Variants in MAF observed in about 807,000 individuals in gnomAD.
MAF encodes MAF bZIP transcription factor.
MAF carries 10 observed loss-of-function variants against 22.0 expected under a neutral mutation model. The ratio of observed to expected loss-of-function variants is 0.45; its 90% confidence interval spans 0.28 to 0.77. The LOEUF is 0.77. MAF is among the 30% of genes least tolerant of loss of function. MAF has a pLI of 0.12. For synonymous variants in MAF, 337 were observed against 255.8 expected (o/e 1.32, Z -3.03); for missense variants, 544 against 548.4 (o/e 0.99, Z 0.08).
chr16:79,409,852 T>C, the MAF span, among the ~76,000 whole-genome samples: 2,082 of 152,294 alleles, frequency 0.014, 49 homozygotes, highest in African/African-American at 0.047. Flanking sequence ...CCATAGCCAC[T>C]AGCCAAACGT....
downstream of MAF, among the ~76,000 whole-genome samples, chr16:79,585,124 C>T (rs377532980): frequency 2.2e-4 from 33 of 152,302 alleles, no homozygotes; most frequent in East Asian, 4.8e-3. Flanking sequence ...AAAACTATCA[C>T]ACTAAGTAAT....
the MAF span, among the ~76,000 whole-genome samples, chr16:79,251,468 A>G: frequency 6.6e-6 from 1 of 151,990 alleles, no homozygotes; most frequent in African/African-American, 2.4e-5. Context: ...GGCACCTGCC[A>G]CCACATCTGG....
At chr16:79,373,629 C>T in the MAF span, among the ~76,000 whole-genome samples, 3 of 152,064 alleles carry the variant, frequency 2.0e-5, no homozygotes, top group South Asian at 6.2e-4. Context: ...CCACCTGCCT[C>T]AGCCTCCCAA....
At chr16:79,382,412 C>T in the MAF span, among the ~76,000 whole-genome samples, 1 of 152,238 alleles carries the variant, frequency 6.6e-6, no homozygotes, top group Non-Finnish European at 1.5e-5. Flanking sequence ...CCTATCTGGG[C>T]TGTCCAGTAT....
the MAF span, among the ~76,000 whole-genome samples, chr16:79,221,750 T>C: frequency 6.9e-5 from 9 of 129,930 alleles, no homozygotes; most frequent in Admixed American, 2.3e-4. Context: ...TATACGTGAT[T>C]GTGTGTGTAT....
chr16:79,502,708 A>AATATATATACATAT, the MAF span, among the ~76,000 whole-genome samples: 5 of 34,004 alleles, frequency 1.5e-4, no homozygotes, highest in Non-Finnish European at 2.8e-4. Flanking sequence ...TATAAATATA[A>AATATATATACATAT]ATATATATAT....
At chr16:79,485,954 A>G in the MAF span, among the ~76,000 whole-genome samples, 1 of 152,264 alleles carries the variant, frequency 6.6e-6, no homozygotes, top group Non-Finnish European at 1.5e-5. Flanking sequence ...ATGGAACTCT[A>G]TAAGGATCTT....
At chr16:79,568,520 A>G in the MAF span, among the ~76,000 whole-genome samples, 1 of 152,188 alleles carries the variant, frequency 6.6e-6, no homozygotes, top group Non-Finnish European at 1.5e-5. Flanking sequence ...TCTCATTAAA[A>G]CAGGCATACA....
chr16:79,436,729 G>T, the MAF span, among the ~76,000 whole-genome samples: 1 of 152,138 alleles, frequency 6.6e-6, no homozygotes, highest in African/African-American at 2.4e-5. Flanking sequence ...CTTTATATTT[G>T]TCGGTTTCAC....
At chr16:79,330,975 C>T in the MAF span, among the ~76,000 whole-genome samples, 7 of 152,206 alleles carry the variant, frequency 4.6e-5, no homozygotes, top group East Asian at 5.8e-4. Flanking sequence ...CTGTGAGTGG[C>T]GAACAATGGT....
chr16:79,365,029 G>C, the MAF span, among the ~76,000 whole-genome samples: 1 of 152,150 alleles, frequency 6.6e-6, no homozygotes, highest in Non-Finnish European at 1.5e-5. Flanking sequence ...TGGTTAAAGT[G>C]GGAAGTCCCT....
At chr16:79,469,405 G>A in the MAF span, among the ~76,000 whole-genome samples, 1 of 152,056 alleles carries the variant, frequency 6.6e-6, no homozygotes, top group Admixed American at 6.5e-5. Context: ...CAACTCTCCC[G>A]CCTATTACCT....
At chr16:79,313,192 C>A in the MAF span, among the ~76,000 whole-genome samples, 2 of 152,130 alleles carry the variant, frequency 1.3e-5, no homozygotes, top group African/African-American at 2.4e-5. Flanking sequence ...CACACAGGCA[C>A]TGGGCAAGGG....
the MAF span, among the ~76,000 whole-genome samples, chr16:79,409,359 T>C: frequency 6.6e-6 from 1 of 152,210 alleles, no homozygotes; most frequent in Non-Finnish European, 1.5e-5. Flanking sequence ...GACTCCCAGA[T>C]AGCTCTGTCC....
the MAF span, among the ~76,000 whole-genome samples, chr16:79,258,091 TATC>T: frequency 6.6e-6 from 1 of 152,282 alleles, no homozygotes; most frequent in South Asian, 2.1e-4. Flanking sequence ...CCTCAGCCCT[TATC>T]ATTATTTCTG....
chr16:79,504,610 G>T, the MAF span, among the ~76,000 whole-genome samples: 1 of 152,076 alleles, frequency 6.6e-6, no homozygotes, highest in Non-Finnish European at 1.5e-5. Flanking sequence ...TAAATGGATA[G>T]AGGATGGAAG....
At chr16:79,439,725 A>G in the MAF span, among the ~76,000 whole-genome samples, 1 of 152,234 alleles carries the variant, frequency 6.6e-6, no homozygotes, top group African/African-American at 2.4e-5. Context: ...GACCACAGTA[A>G]GAGTGAGGAC....
the MAF span, among the ~76,000 whole-genome samples, chr16:79,295,175 G>C: frequency 3.3e-5 from 5 of 152,316 alleles, no homozygotes; most frequent in East Asian, 9.6e-4. Flanking sequence ...GTCCTCAAGA[G>C]CTTCAGCCCA....
chr16:79,426,122 C>T, the MAF span, among the ~76,000 whole-genome samples: 1 of 151,956 alleles, frequency 6.6e-6, no homozygotes, highest in Non-Finnish European at 1.5e-5. Context: ...AGGAGAATCA[C>T]TTGAATCTGG....
Sources: allele counts gnomAD v4.1 joint callset (sites outside exome capture counted in the v4.1 genomes callset), GRCh38; gene constraint gnomAD v4.1.1; transcripts MANE v1.5; gene names NCBI Gene and HGNC (gene_info 2026-07-23, HGNC 2026-07-21).